CAST: variants seen among roughly 807,000 people sequenced by gnomAD.
The protein encoded by CAST is MIR583 host.
Under a neutral mutation model 119.6 loss-of-function variants are expected in CAST, and 76 were observed. The observed-to-expected ratio is 0.64, with a 90% CI of 0.53 to 0.77. CAST has a LOEUF of 0.77. Among genes scored for constraint, CAST ranks in the 30% least tolerant of loss-of-function variants. The pLI, the probability that CAST is intolerant of heterozygous loss-of-function variation, is 0.00. For missense variants in CAST, 953 were observed against 946.5 expected, an observed-to-expected ratio of 1.01 and a Z score of -0.09; for synonymous variants, 319 against 331.6, an observed-to-expected ratio of 0.96 and a Z score of 0.41.
chr5:96,518,184 T>C, the CAST span, among the ~76,000 whole-genome samples: 1 of 152,266 alleles, frequency 6.6e-6, no homozygotes, highest in East Asian at 1.9e-4. Context: ...AGACTAACAC[T>C]AGGATGACGA....
chr5:96,261,316 T>C, the CAST span, among the ~76,000 whole-genome samples: 1 of 152,214 alleles, frequency 6.6e-6, no homozygotes, highest in Non-Finnish European at 1.5e-5. Context: ...AGAAAGAGGC[T>C]GACAAATCTG....
the CAST span, among the ~76,000 whole-genome samples, chr5:96,514,192 G>A: frequency 3.9e-5 from 6 of 152,002 alleles, no homozygotes; most frequent in Admixed American, 6.6e-5. Flanking sequence ...ATATTTTTAG[G>A]GGCACAATTC....
the CAST span, among the ~76,000 whole-genome samples, chr5:96,076,743 G>T: frequency 3.9e-5 from 6 of 152,160 alleles, no homozygotes; most frequent in East Asian, 1.2e-3. Context: ...CAAGCTCAAT[G>T]ATTGAAATTG....
chr5:96,450,703 T>C, the CAST span, among the ~76,000 whole-genome samples: 5 of 152,338 alleles, frequency 3.3e-5, no homozygotes, highest in South Asian at 1.0e-3. Context: ...GCCTTAATGC[T>C]GACAAATTTT....
chr5:96,582,259 T>C (rs1746783513), intron 1 of CAST, among the ~76,000 whole-genome samples: 1 of 152,212 alleles, frequency 6.6e-6, no homozygotes, highest in Non-Finnish European at 1.5e-5. Flanking sequence ...AATTGAGGTT[T>C]TGGGAGTAGG....
At chr5:96,682,414 A>G (rs1049999532) in intron 2 of CAST, among the ~76,000 whole-genome samples, 1 of 151,618 alleles carries the variant, frequency 6.6e-6, no homozygotes, top group African/African-American at 2.4e-5. Flanking sequence ...TCTTTGTCTC[A>G]CTCCATTATC....
the CAST span, among the ~76,000 whole-genome samples, chr5:96,444,018 C>T: frequency 2.0e-5 from 3 of 152,118 alleles, no homozygotes; most frequent in African/African-American, 7.2e-5. Context: ...AAATGAATCA[C>T]AGCAATATAA....
At chr5:95,975,867 A>G in the CAST span, among the ~76,000 whole-genome samples, 2 of 152,132 alleles carry the variant, frequency 1.3e-5, no homozygotes, top group Non-Finnish European at 2.9e-5. Context: ...GTTACTCAGG[A>G]TCCCATTAAG....
chr5:96,269,897 C>T, the CAST span, among the ~76,000 whole-genome samples: 7 of 152,104 alleles, frequency 4.6e-5, no homozygotes, highest in African/African-American at 1.7e-4. Flanking sequence ...TCTATGAGGT[C>T]AGTGTTACCC....
intron 1 of CAST, among the ~76,000 whole-genome samples, chr5:96,587,206 T>C (rs1181724651): frequency 1.3e-5 from 2 of 152,332 alleles, no homozygotes; most frequent in East Asian, 3.9e-4. Context: ...TTTTTTGCCA[T>C]GAAAAGCAAA....
intron 1 of CAST, among the ~76,000 whole-genome samples, chr5:96,668,420 T>C (rs1292406262): frequency 1.3e-5 from 2 of 152,246 alleles, no homozygotes; most frequent in African/African-American, 4.8e-5. Context: ...TACTAAATTC[T>C]TCTGTTCTAA....
At chr5:96,373,927 T>C in the CAST span, among the ~76,000 whole-genome samples, 2 of 152,080 alleles carry the variant, frequency 1.3e-5, no homozygotes, top group African/African-American at 4.8e-5. Context: ...TTGGTATTTT[T>C]TGCAGAGACA....
At chr5:96,367,419 G>A in the CAST span, among the ~76,000 whole-genome samples, 17 of 152,154 alleles carry the variant, frequency 1.1e-4, no homozygotes, top group Non-Finnish European at 2.2e-4. Flanking sequence ...CCTGCCACCA[G>A]AGGTGGAGTC....
the CAST span, chr5:96,390,435 T>C: frequency 6.6e-6 from 1 of 152,404 alleles, no homozygotes; most frequent in South Asian, 2.1e-4. Context: ...ATACATCAAA[T>C]GTATAATGTG....
the CAST span, among the ~76,000 whole-genome samples, chr5:96,460,666 C>T: frequency 6.6e-6 from 1 of 151,800 alleles, no homozygotes; most frequent in South Asian, 2.1e-4. Context: ...AGAACAGAGA[C>T]AATGGAGTGG....
chr5:96,359,741 C>T, the CAST span, among the ~76,000 whole-genome samples: 9 of 152,190 alleles, frequency 5.9e-5, no homozygotes, highest in African/African-American at 2.2e-4. Flanking sequence ...GGTAACCTGA[C>T]CTTTCTCTCT....
the CAST span, among the ~76,000 whole-genome samples, chr5:96,372,265 T>C: frequency 2.6e-3 from 403 of 152,316 alleles, no homozygotes; most frequent in African/African-American, 9.4e-3. Context: ...TTAAATTCCA[T>C]TTTGGAAAAA....
chr5:96,176,893 T>G, the CAST span, among the ~76,000 whole-genome samples: 1 of 152,312 alleles, frequency 6.6e-6, no homozygotes, highest in East Asian at 1.9e-4. Flanking sequence ...TAATGTGCCT[T>G]TAAGCTTAGG....
the CAST span, among the ~76,000 whole-genome samples, chr5:96,109,666 G>A: frequency 6.6e-6 from 1 of 152,162 alleles, no homozygotes; most frequent in African/African-American, 2.4e-5. Flanking sequence ...AAGTGTTCTG[G>A]CTTGAAGATT....
Sources: allele counts gnomAD v4.1 joint callset (sites outside exome capture counted in the v4.1 genomes callset), GRCh38; gene constraint gnomAD v4.1.1; transcripts MANE v1.5; gene names NCBI Gene and HGNC (gene_info 2026-07-23, HGNC 2026-07-21).